Variants in DOT1L observed in about 807,000 individuals in gnomAD.
DOT1L encodes DOT1 like histone lysine methyltransferase.
DOT1L carries 33 observed loss-of-function variants against 153.3 expected under a neutral mutation model. The ratio of observed to expected loss-of-function variants is 0.22; its 90% CI spans 0.16 to 0.29. The LOEUF is 0.29. Ranked by LOEUF, DOT1L falls within the 10% of genes least tolerant of loss-of-function variation. The pLI, the probability that DOT1L is intolerant of heterozygous loss-of-function variation, is 1.00. For missense variants in DOT1L, 1,847 were observed against 2,119.9 expected (o/e 0.87, Z 2.53); for synonymous variants, 1,135 against 965.1 (o/e 1.18, Z -3.26).
chr19:2,172,998 C>T (rs2021727199), intron 1 of DOT1L, among the ~76,000 whole-genome samples: 1 of 151,960 alleles, frequency 6.6e-6, no homozygotes, highest in Non-Finnish European at 1.5e-5. Flanking sequence ...AAAAGTTCAC[C>T]CGTTTTAAGT....
chr19:2,211,069 T>C (rs1167760123), intron 14 of DOT1L, 30 bp from the exon 15 acceptor site: 2 of 1,601,276 alleles, frequency 1.2e-6, no homozygotes, highest in Non-Finnish European at 8.5e-7. Flanking sequence ...CGACCCGCCC[T>C]GTGCTGACGC....
rs774057099 is a variant in DOT1L, at chr19:2,217,105, C to T, written c.2544+15C>T. On this transcript the variant is annotated intron_variant, in intron 21 of 27. Coordinates refer to ENST00000398665, the MANE Select transcript of DOT1L (RefSeq NM_032482.3). This position sits in a 1 kb window ranked among gnomAD's most constrained non-coding sequence, Gnocchi z 7.3. Reference sequence around the variant, plus strand: ...GCAGTGAGAAGGTGCGGGCCGCGACCCCTGCCCCGGGCTCAGGGAGGTGCT... The same window carrying T: ...GCAGTGAGAAGGTGCGGGCCGCGACTCCTGCCCCGGGCTCAGGGAGGTGCT... 43 of 1,576,656 alleles carry T rather than the reference C, an allele frequency of 2.7e-5. 1 individual carries two copies. In the South Asian group the frequency reaches 4.5e-4, roughly 16 times the overall value.
chr19:2,210,832 A>G lies in DOT1L; in HGVS notation c.1328A>G (p.Gln443Arg), dbSNP rs2144833729. 4 of 1,612,432 alleles carry G rather than the reference A, an allele frequency of 2.5e-6. No individual in the cohort carries two copies. Among genetic ancestry groups the G allele is most frequent in the Non-Finnish European group, 2.5e-6 (3 of 1,179,726 alleles). Residue 443 changes from glutamine (Q) to arginine (R), a missense_variant, in exon 14 of 28, where the codon CAG becomes CGG. Coordinates refer to ENST00000398665, the MANE Select transcript of DOT1L (RefSeq NM_032482.3). ...LDALHAQTVS[Q>R]TAASSPQDAY... The stretch of plus-strand genomic sequence containing the variant: ...GCCCTGCACGCTCAGACCGTGTCTC[A>G]GACGGCGGCCTCCTCACCCCAGGGT...
chr19:2,227,095 G>A lies in DOT1L; in HGVS notation c.4574G>A (p.Ser1525Asn). ...CTGACCAACTCGCACGCCATGGGCA[G>A]CTTTTCCGGGGTGGCAGGCGGCACA... The part of the protein sequence containing the change: ...TRLTNSHAMG[S>N]FSGVAGGTVG... Residue 1525 changes from serine to asparagine, a missense_variant, in exon 27 of 28, where the codon AGC becomes AAC. Ser to Asn is a conservative substitution (Grantham distance 46, BLOSUM62 1). Coordinates refer to ENST00000398665, the MANE Select transcript of DOT1L (RefSeq NM_032482.3). The A allele has an allele frequency of 6.4e-7, 1 of 1,559,194 alleles. No individual in the cohort carries two copies. The highest frequency in any genetic ancestry group is 8.6e-7 in the Non-Finnish European group (1 of 1,158,680).
intron 3 of DOT1L, among the ~76,000 whole-genome samples, chr19:2,188,591 G>T (rs1033828013): frequency 6.6e-6 from 1 of 151,800 alleles, no homozygotes; most frequent in Non-Finnish European, 1.5e-5. Context: ...GCCGAGCAGG[G>T]TCCCTGCCTC....
intron 1 of DOT1L, among the ~76,000 whole-genome samples, chr19:2,165,898 A>G (rs1356493910): frequency 6.6e-6 from 1 of 150,656 alleles, no homozygotes; most frequent in Admixed American, 6.6e-5. Context: ...CCTCCCCAGT[A>G]GCTAGGACTA....
At position 2,216,726 on chromosome 19, in the gene DOT1L, C is replaced by T. The variant is rs200144638; in HGVS notation, c.2369C>T (p.Thr790Met). Residue 790 changes from threonine to methionine, a missense_variant, in exon 20 of 28, where the codon ACG becomes ATG. Thr to Met is a moderately conservative substitution (Grantham distance 81, BLOSUM62 -1). Coordinates refer to ENST00000398665, the MANE Select transcript of DOT1L (RefSeq NM_032482.3). Reference sequence around the variant, plus strand: ...AGGCGGCACCTGAGCCAGGACCACACGGTGCCCGGCAGGCCGGCTGCCAGT... The same window carrying T: ...AGGCGGCACCTGAGCCAGGACCACATGGTGCCCGGCAGGCCGGCTGCCAGT... ...VLRRHLSQDHTVPGRPAASEL... is the reference protein window; with the variant it reads ...VLRRHLSQDHMVPGRPAASEL... 660 of 1,597,568 alleles carry T rather than the reference C, an allele frequency of 4.1e-4. No individual in the cohort carries two copies. The highest frequency in any genetic ancestry group is 9.7e-4 in the Admixed American group (58 of 59,882).
chr19:2,165,132 C>T (rs558525168), intron 1 of DOT1L, among the ~76,000 whole-genome samples: 2 of 152,294 alleles, frequency 1.3e-5, no homozygotes, highest in African/African-American at 2.4e-5. Flanking sequence ...TGCGTCCGCG[C>T]TTGGGACCCT....
rs548259590 is a variant in DOT1L, at chr19:2,197,088, G to A, written c.651+2511G>A. Among the ~76,000 whole-genome samples, 42 of 152,302 alleles carry A rather than the reference G, an allele frequency of 2.8e-4. No individual in the cohort carries two copies. Among genetic ancestry groups the A allele is most frequent in the African/African-American group, 6.7e-4 (28 of 41,578 alleles). On this transcript the variant is annotated intron_variant, in intron 7 of 27. Coordinates refer to ENST00000398665, the MANE Select transcript of DOT1L (RefSeq NM_032482.3). The surrounding 1 kb of genome is among the most constrained non-coding windows in gnomAD (Gnocchi z 4.1). Reference sequence around the variant, plus strand: ...ATGGGCCGCTGAGGGGTTTTCTGCCGTGGTGGGAGCCGTGGCCTGCGGTGC... The same window carrying A: ...ATGGGCCGCTGAGGGGTTTTCTGCCATGGTGGGAGCCGTGGCCTGCGGTGC...
chr19:2,180,196 G>A (rs1001954935), intron 1 of DOT1L, among the ~76,000 whole-genome samples: 1 of 152,308 alleles, frequency 6.6e-6, no homozygotes, highest in South Asian at 2.1e-4. Flanking sequence ...GGGGAAACAG[G>A]CCCCGTGGAG....
intron 8 of DOT1L, 145 bp from the exon 9 acceptor site, chr19:2,202,555 C>T (rs984559724): frequency 3.4e-5 from 25 of 735,402 alleles, no homozygotes; most frequent in South Asian, 6.9e-5. Flanking sequence ...CCACGGCGTG[C>T]GCTCAGCTGC....
Position 2,197,056 on chromosome 19 carries a change from C to T in DOT1L, c.651+2479C>T, listed in dbSNP as rs999860814. Among the ~76,000 whole-genome samples, 3 of 152,214 alleles carry T rather than the reference C, an allele frequency of 2.0e-5. No individual in the cohort carries two copies. Among genetic ancestry groups the T allele is most frequent in the African/African-American group, 7.2e-5 (3 of 41,460 alleles). The stretch of plus-strand genomic sequence containing the variant: ...TCTGTTTATCCAAGGTGGGATTCTG[C>T]TGGCTGATGGGCCGCTGAGGGGTTT... On this transcript the variant is annotated intron_variant, in intron 7 of 27. Coordinates refer to ENST00000398665, the MANE Select transcript of DOT1L (RefSeq NM_032482.3). This position sits in a 1 kb window ranked among gnomAD's most constrained non-coding sequence, Gnocchi z 4.1.
At chr19:2,210,026 G>A (rs970329100) in intron 12 of DOT1L, among the ~76,000 whole-genome samples, 1 of 150,716 alleles carries the variant, frequency 6.6e-6, no homozygotes, top group East Asian at 2.0e-4. Context: ...TTCGAAGAGA[G>A]GAGAGAGGGC....
In DOT1L at chr19:2,229,922, T is replaced by C; in HGVS notation, c.*130T>C. On this transcript the variant is annotated 3_prime_UTR_variant, in exon 28 of 28. Coordinates refer to ENST00000398665, the MANE Select transcript of DOT1L (RefSeq NM_032482.3). ...AGGCAAGGACGGACGGGAGCTCCAC[T>C]GTGAATCGGCGGCACGCGCCGCAGG... 2 of 1,547,288 alleles carry C rather than the reference T, an allele frequency of 1.3e-6. No homozygotes were observed. Among genetic ancestry groups the C allele is most frequent in the Non-Finnish European group, 1.8e-6 (2 of 1,129,452 alleles).
chr19:2,207,434 T>C lies in DOT1L; in HGVS notation c.857-140T>C. On this transcript the variant is annotated intron_variant, in intron 10 of 27. Coordinates refer to ENST00000398665, the MANE Select transcript of DOT1L (RefSeq NM_032482.3). This position sits in a 1 kb window ranked among gnomAD's most constrained non-coding sequence, Gnocchi z 4.5. ...CCCTGGGCCGGCCTCTGTGGGCCACTGTGGCCTGACGCAGTGTGGGAGAAG... is the reference window on the plus strand; with the variant it reads ...CCCTGGGCCGGCCTCTGTGGGCCACCGTGGCCTGACGCAGTGTGGGAGAAG... The C allele has an allele frequency of 2.9e-6, 2 of 689,120 alleles. No individual in the cohort carries two copies. The highest frequency in any genetic ancestry group is 5.6e-5 in the East Asian group (2 of 35,786). 42.7% of individuals were successfully genotyped at this position (689,120 alleles called of 1,614,324 possible).
Position 2,222,476 on chromosome 19 carries a change from G to C in DOT1L, c.3307G>C (p.Val1103Leu). The change falls in exon 24 of 28, where the codon GTG (valine) becomes CTG (leucine). Residue 1103 changes from valine (V) to leucine (L), a missense_variant. Val to Leu is a conservative substitution (Grantham distance 32). Transcript: ENST00000398665. The surrounding 1 kb of genome is among the most constrained non-coding windows in gnomAD (Gnocchi z 6.5). ...GGGGACGCCCAGCTTGAGCGCAGGC[G>C]TGTCCCCCAAGCGCCGAGCCCTGCC... Reference protein sequence around the residue: ...SAGTPSLSAGVSPKRRALPSV... With the variant: ...SAGTPSLSAGLSPKRRALPSV... 1 of 1,602,182 alleles carries C rather than the reference G, an allele frequency of 6.2e-7. No individual in the cohort carries two copies. Among genetic ancestry groups the C allele is most frequent in the Non-Finnish European group, 8.5e-7 (1 of 1,176,844 alleles).
chr19:2,181,393 C>T (rs1473368937), intron 2 of DOT1L, among the ~76,000 whole-genome samples: 1 of 152,202 alleles, frequency 6.6e-6, no homozygotes, highest in Non-Finnish European at 1.5e-5. Context: ...AGGACACCGC[C>T]CGTGCCCATG....
chr19:2,227,987 C>G (rs1225684666), intron 27 of DOT1L: 2 of 1,278,902 alleles, frequency 1.6e-6, no homozygotes, highest in African/African-American at 1.5e-5. Context: ...CCGTCCTCCA[C>G]GCCCCCCCTC....
At position 2,231,040 on chromosome 19, in the gene DOT1L, GGA is replaced by G; in HGVS notation, c.*1249_*1250del. ...ACTCTGCAGCCTTGGCGGGTGCCTGGGACTGGGTGTGGAAGGAGAGGAGCTGA... is the reference window on the plus strand; with the variant it reads ...ACTCTGCAGCCTTGGCGGGTGCCTGGCTGGGTGTGGAAGGAGAGGAGCTGA... On this transcript the variant is annotated 3_prime_UTR_variant, in exon 28 of 28. Coordinates refer to ENST00000398665, the MANE Select transcript of DOT1L (RefSeq NM_032482.3). The G allele has an allele frequency of 4.2e-6, 1 of 236,054 alleles. No individual in the cohort carries two copies. The highest frequency in any genetic ancestry group is 8.3e-6 in the Non-Finnish European group (1 of 120,366). The allele number at this position is 236,054 out of a possible 1,614,324, so 14.6% of individuals were successfully genotyped here. A position where few individuals can be genotyped will look rare whatever the true frequency, so the allele number is the denominator to read the frequency against.
Sources: gnomAD v4.1 joint callset for allele counts (sites outside exome capture counted in the v4.1 genomes callset) on GRCh38, gnomAD v4.1.1 for gene constraint, Gnocchi (gnomAD v3.1) non-coding constraint, MANE v1.5 for transcripts, NCBI Gene and HGNC (gene_info 2026-07-23, HGNC 2026-07-21) for gene names.